QRICH1: variants seen among roughly 807,000 people sequenced by gnomAD.
QRICH1 encodes glutamine rich 1.
QRICH1 carries 16 observed loss-of-function variants against 87.1 expected under a neutral mutation model. That is an observed-to-expected ratio of 0.18 (90% confidence interval 0.12 to 0.28). The LOEUF (loss-of-function observed/expected upper bound fraction) is 0.28, where lower values mean the gene tolerates loss of function less well. Among genes scored for constraint, QRICH1 ranks in the 10% least tolerant of loss-of-function variants. The pLI is 1.00. For missense variants in QRICH1, 647 were observed against 951.7 expected, an observed-to-expected ratio of 0.68 and a Z score of 4.21; for synonymous variants, 367 against 368.4, an observed-to-expected ratio of 1.00 and a Z score of 0.05.
chr3:49,067,033 C>CA (rs966010717), intron 2 of QRICH1, among the ~76,000 whole-genome samples: 7 of 146,996 alleles, frequency 4.8e-5, no homozygotes, highest in South Asian at 2.2e-4. Context: ...GACTCTGTCT[C>CA]AAAAAAAAAG....
intron 2 of QRICH1, among the ~76,000 whole-genome samples, chr3:49,071,981 C>G (rs1050921693): frequency 1.3e-5 from 2 of 152,166 alleles, no homozygotes; most frequent in Admixed American, 1.3e-4. Context: ...TGTGAGCCAC[C>G]ATGCCTGGGC....
intron 2 of QRICH1, among the ~76,000 whole-genome samples, chr3:49,073,761 C>G (rs2041893897): frequency 6.6e-6 from 1 of 151,660 alleles, no homozygotes; most frequent in South Asian, 2.1e-4. Context: ...ATTCTCCCAT[C>G]TCGGCCTCCC....
At chr3:49,032,525 C>G in intron 8 of QRICH1, 97 bp downstream of exon 8, 1 of 1,425,010 alleles carries the variant, frequency 7.0e-7, no homozygotes, top group South Asian at 1.4e-5. Context: ...CCAGCAAATC[C>G]CAACCTTTAC....
intron 2 of QRICH1, among the ~76,000 whole-genome samples, chr3:49,071,989 G>C (rs779280773): frequency 5.9e-5 from 9 of 152,100 alleles, no homozygotes; most frequent in Non-Finnish European, 1.2e-4. Flanking sequence ...ACCATGCCTG[G>C]GCCAGCCTTC....
intron 3 of QRICH1, among the ~76,000 whole-genome samples, chr3:49,047,939 A>C (rs2093348241): frequency 6.6e-6 from 1 of 152,140 alleles, no homozygotes; most frequent in Admixed American, 6.6e-5. Flanking sequence ...AAAAGAAAAA[A>C]GAAAAAACAA....
intron 2 of QRICH1, among the ~76,000 whole-genome samples, chr3:49,076,297 G>A (rs1403375671): frequency 1.3e-5 from 2 of 152,222 alleles, no homozygotes; most frequent in Non-Finnish European, 2.9e-5. Flanking sequence ...TGACATCGCC[G>A]CCGGCGGGGT....
intron 3 of QRICH1, among the ~76,000 whole-genome samples, chr3:49,055,846 T>A (rs1447942795): frequency 6.6e-6 from 1 of 151,998 alleles, no homozygotes; most frequent in Non-Finnish European, 1.5e-5. Context: ...ACCCGGCTAA[T>A]TTTTGTATTT....
At position 49,030,475 on chromosome 3, in the gene QRICH1, CCA is replaced by C. The variant is rs1282547502; in HGVS notation, c.2306_2307del (p.Val769GlyfsTer29). The C allele has an allele frequency of 1.2e-6, 2 of 1,613,452 alleles. No individual in the cohort carries two copies. The highest frequency in any genetic ancestry group is 3.3e-5 in the Admixed American group (2 of 60,004). ...TCTCAGTGCATAGTGCTTGCATTGG[CCA>C]CTGCGATGGCCTCCTGAATTTCTCT... ...VIREIQEAIA[V>X]ANASTMH On this transcript the variant is annotated frameshift_variant, in exon 10 of 10. Transcript: ENST00000395443. LOFTEE classifies it high-confidence loss of function.
At chr3:49,060,956 C>T (rs2093431009) in intron 2 of QRICH1, among the ~76,000 whole-genome samples, 1 of 151,404 alleles carries the variant, frequency 6.6e-6, no homozygotes, top group Non-Finnish European at 1.5e-5. Context: ...CATGGTGAAA[C>T]CCCACCTCTA....
At chr3:49,047,407 C>G (rs1049183425) in intron 3 of QRICH1, among the ~76,000 whole-genome samples, 161 bp from the exon 4 acceptor site, 1 of 151,876 alleles carries the variant, frequency 6.6e-6, no homozygotes, top group Non-Finnish European at 1.5e-5. Context: ...TACCTCTTGC[C>G]CCAGGGACAG....
At chr3:49,048,801 CAA>C (rs76560601) in intron 3 of QRICH1, among the ~76,000 whole-genome samples, 6 of 108,732 alleles carry the variant, frequency 5.5e-5, no homozygotes, top group Non-Finnish European at 9.9e-5. Context: ...AAAAAAAAAC[CAA>C]AAAAAAAAAA....
chr3:49,053,616 T>G (rs2093385070), intron 3 of QRICH1, among the ~76,000 whole-genome samples: 1 of 152,140 alleles, frequency 6.6e-6, no homozygotes. Context: ...AGAACAGATT[T>G]AGTCATGAGT....
chr3:49,069,929 C>A (rs2093491418), intron 2 of QRICH1, among the ~76,000 whole-genome samples: 1 of 152,126 alleles, frequency 6.6e-6, no homozygotes, highest in African/African-American at 2.4e-5. Context: ...AGTTCTAAAG[C>A]TACCCCAGTG....
Position 49,081,930 on chromosome 3 carries a change from C to T in QRICH1, c.-21-4892G>A, listed in dbSNP as rs564242182. 7.4e-4 allele frequency among the ~76,000 whole-genome samples: 112 copies of T among 152,244 alleles called. 1 individual carries two copies. The highest frequency in any genetic ancestry group is 2.5e-3 in the African/African-American group (102 of 41,554). ...CCCAGCCATTCTCCTGCCTCAGTCTCCAAAGTAGCTGGGATTACAGGCATA... is the reference window on the plus strand; with the variant it reads ...CCCAGCCATTCTCCTGCCTCAGTCTTCAAAGTAGCTGGGATTACAGGCATA... On this transcript the variant is annotated intron_variant, in intron 1 of 9. Coordinates refer to ENST00000395443, the MANE Select transcript of QRICH1 (RefSeq NM_198880.3).
intron 2 of QRICH1, among the ~76,000 whole-genome samples, chr3:49,060,530 A>T (rs1386600579): frequency 6.6e-6 from 1 of 151,548 alleles, no homozygotes; most frequent in East Asian, 2.0e-4. Flanking sequence ...GGGTTTCACC[A>T]TGTTGGCCAG....
rs1434951224 is a variant in QRICH1, at chr3:49,076,298, C to CCGG, written c.309+408_309+410dup. 6.4e-4 allele frequency among the ~76,000 whole-genome samples: 98 copies of CCGG among 152,362 alleles called. 1 individual carries two copies. Among genetic ancestry groups the CCGG allele is most frequent in the African/African-American group, 2.2e-3 (90 of 41,594 alleles). On this transcript the variant is annotated intron_variant, in intron 2 of 9. Coordinates refer to ENST00000395443, the MANE Select transcript of QRICH1 (RefSeq NM_198880.3). ...TCCCCCACCATCACTGACATCGCCG[C>CCGG]CGGCGGGGTCACGTGCCGGGACCGG... is the stretch of plus-strand genomic sequence containing the variant.
chr3:49,074,386 C>T (rs2041907392), intron 2 of QRICH1, among the ~76,000 whole-genome samples: 1 of 151,670 alleles, frequency 6.6e-6, no homozygotes, highest in African/African-American at 2.4e-5. Flanking sequence ...TGCTGGCTAA[C>T]ATGGTGAAAC....
chr3:49,059,738 TGAGATG>T, intron 2 of QRICH1, among the ~76,000 whole-genome samples: 1 of 151,084 alleles, frequency 6.6e-6, no homozygotes. Flanking sequence ...ATTTATTTTC[TGAGATG>T]GAGTTTCGCT....
chr3:49,053,040 C>A (rs2093380193), intron 3 of QRICH1, among the ~76,000 whole-genome samples: 1 of 152,048 alleles, frequency 6.6e-6, no homozygotes, highest in African/African-American at 2.4e-5. Context: ...GGAAAGAAAT[C>A]CCTTAGGGAG....
Sources: allele counts gnomAD v4.1 joint callset (sites outside exome capture counted in the v4.1 genomes callset), GRCh38; gene constraint gnomAD v4.1.1; transcripts MANE v1.5; gene names NCBI Gene and HGNC (gene_info 2026-07-23, HGNC 2026-07-21).